The following KCNC2 variants were observed in gnomAD, a reference collection of about 807,000 sequenced individuals.
The protein encoded by KCNC2 is potassium voltage-gated channel subfamily C member 2.
A neutral mutation model predicts 44.5 loss-of-function variants in KCNC2; 21 were observed. The observed-to-expected ratio is 0.47, with a 90% CI of 0.33 to 0.68. The LOEUF (loss-of-function observed/expected upper bound fraction) is 0.68, where lower values mean the gene tolerates loss of function less well. Ranked by LOEUF, KCNC2 falls within the 30% of genes least tolerant of loss-of-function variation. The pLI, the probability that KCNC2 is intolerant of heterozygous loss-of-function variation, is 0.01. For synonymous variants in KCNC2, 391 were observed against 339.1 expected (o/e 1.15, Z -1.68); for missense variants, 589 against 826.2 (o/e 0.71, Z 3.52).
chr12:75,198,139 G>A (rs1208536259), intron 2 of KCNC2, among the ~76,000 whole-genome samples: 2 of 151,874 alleles, frequency 1.3e-5, no homozygotes, highest in African/African-American at 4.8e-5. Flanking sequence ...ATTAAAATAT[G>A]TTTGATCTTA....
rs1160465099 is a variant in KCNC2, at chr12:75,041,934, C to G, written c.*1171G>C. 2 of 1,001,528 alleles carry G rather than the reference C, an allele frequency of 2.0e-6. No individual in the cohort carries two copies. The highest frequency in any genetic ancestry group is 1.7e-5 in the African/African-American group (1 of 57,816). The allele number at this position is 1,001,528 out of a possible 1,614,324, so 62.0% of individuals were successfully genotyped here. A position where few individuals can be genotyped will look rare whatever the true frequency, so the allele number is the denominator to read the frequency against. On this transcript the variant is annotated 3_prime_UTR_variant, in exon 5 of 5. Coordinates refer to ENST00000549446, the MANE Select transcript of KCNC2 (RefSeq NM_139137.4). The stretch of plus-strand genomic sequence containing the variant: ...GAGGCATTTCTGTGCTTCATGGAGA[C>G]AGATGGCATATACAGGAAAGACAGG...
chr12:75,178,902 G>A (rs1892371122), intron 2 of KCNC2, among the ~76,000 whole-genome samples: 1 of 151,792 alleles, frequency 6.6e-6, no homozygotes, highest in South Asian at 2.1e-4. Context: ...AAAAGTTTTG[G>A]GACCCATGAG....
chr12:75,047,053 A>G (rs1285806246), intron 4 of KCNC2, among the ~76,000 whole-genome samples: 2 of 152,036 alleles, frequency 1.3e-5, no homozygotes, highest in Non-Finnish European at 2.9e-5. Flanking sequence ...TATTATTTAA[A>G]TGCAGTTGTG....
At chr12:75,156,174 C>T (rs967964864) in intron 2 of KCNC2, among the ~76,000 whole-genome samples, 4 of 151,696 alleles carry the variant, frequency 2.6e-5, no homozygotes, top group African/African-American at 9.7e-5. Context: ...AGATATAGCA[C>T]CAAGGTCAAA....
At chr12:75,199,558 T>A (rs930990847) in intron 2 of KCNC2, among the ~76,000 whole-genome samples, 1 of 151,914 alleles carries the variant, frequency 6.6e-6, no homozygotes. Flanking sequence ...CATCACATCA[T>A]CTTTGGCTTA....
chr12:75,060,296 C>A (rs926796238), intron 2 of KCNC2, among the ~76,000 whole-genome samples: 1 of 152,024 alleles, frequency 6.6e-6, no homozygotes, highest in Non-Finnish European at 1.5e-5. Context: ...TCTCCCTTCT[C>A]TTCATTCCCA....
At chr12:75,138,979 T>TAAAAAAAAAAAAAAAAAAAAAAAAA (rs373729570) in intron 2 of KCNC2, among the ~76,000 whole-genome samples, 26 of 77,930 alleles carry the variant, frequency 3.3e-4, no homozygotes, top group Admixed American at 9.0e-4. Context: ...AGACTCCGTG[T>TAAAAAAAAAAAAAAAAAAAAAAAAA]AAAAAAAAAA....
Position 75,048,304 on chromosome 12 carries a change from G to C in KCNC2, c.1629C>G (p.Asp543Glu). 6.2e-7 allele frequency: 1 copy of C among 1,611,166 alleles called. No homozygotes were observed. Among genetic ancestry groups the C allele is most frequent in the Non-Finnish European group, 8.5e-7 (1 of 1,178,584 alleles). The change falls in exon 4 of 5, where the codon GAC (aspartate) becomes GAG (glutamate). Residue 543 changes from aspartate to glutamate, a missense_variant. Asp to Glu is a conservative substitution (Grantham distance 45). Transcript: ENST00000549446. The part of the protein sequence containing the change: ...LEHNRSVLSG[D>E]DSTGSEPPLS... ...GTGGCGGCTCACTTCCTGTACTGTCGTCACCTGATAACACTGGTCACAGCA... is the reference window on the plus strand; with the variant it reads ...GTGGCGGCTCACTTCCTGTACTGTCCTCACCTGATAACACTGGTCACAGCA...
intron 4 of KCNC2, among the ~76,000 whole-genome samples, chr12:75,045,152 G>A (rs1008404564): frequency 6.6e-6 from 1 of 151,930 alleles, no homozygotes; most frequent in Non-Finnish European, 1.5e-5. Flanking sequence ...AGGCGAAGTG[G>A]TGAATATGCA....
chr12:75,072,893 TG>T (rs34573951), intron 2 of KCNC2, among the ~76,000 whole-genome samples: 1 of 152,216 alleles, frequency 6.6e-6, no homozygotes, highest in African/African-American at 2.4e-5. Flanking sequence ...CCAACTATTA[TG>T]GGATTTAGGC....
chr12:75,143,152 C>G (rs1313359715), intron 2 of KCNC2, among the ~76,000 whole-genome samples: 1 of 152,082 alleles, frequency 6.6e-6, no homozygotes, highest in Non-Finnish European at 1.5e-5. Flanking sequence ...AGATCTAATT[C>G]CAGGAGATTT....
At chr12:75,195,876 C>T (rs2030719682) in intron 2 of KCNC2, among the ~76,000 whole-genome samples, 1 of 152,116 alleles carries the variant, frequency 6.6e-6, no homozygotes, top group Non-Finnish European at 1.5e-5. Flanking sequence ...CATTCCCAGC[C>T]AACCTCAGGG....
intron 2 of KCNC2, among the ~76,000 whole-genome samples, chr12:75,193,366 G>A (rs2030475984): frequency 6.6e-6 from 1 of 152,150 alleles, no homozygotes; most frequent in Non-Finnish European, 1.5e-5. Flanking sequence ...AAGAAAAGGG[G>A]TTGGTCCTTT....
intron 2 of KCNC2, among the ~76,000 whole-genome samples, chr12:75,102,220 T>G (rs1886423342): frequency 6.6e-6 from 1 of 152,060 alleles, no homozygotes; most frequent in Non-Finnish European, 1.5e-5. Context: ...AACAGACATA[T>G]TTCTATGTAT....
chr12:75,148,313 A>G (rs1161699990), intron 2 of KCNC2, among the ~76,000 whole-genome samples: 2 of 152,090 alleles, frequency 1.3e-5, no homozygotes, highest in Non-Finnish European at 2.9e-5. Flanking sequence ...ACTGACAACC[A>G]TAAGCTCTTC....
At chr12:75,089,598 G>T (rs1249912178) in intron 2 of KCNC2, among the ~76,000 whole-genome samples, 3 of 151,718 alleles carry the variant, frequency 2.0e-5, no homozygotes, top group African/African-American at 7.3e-5. Context: ...AAAAGAACAT[G>T]CAACTTTTAA....
intron 2 of KCNC2, among the ~76,000 whole-genome samples, chr12:75,191,540 T>A (rs868437070): frequency 4.4e-3 from 193 of 44,362 alleles, no homozygotes; most frequent in Admixed American, 0.01. Context: ...TTTTTTTTTT[T>A]TTTTTTTTTT....
chr12:75,089,091 A>T (rs1885264287), intron 2 of KCNC2, among the ~76,000 whole-genome samples: 1 of 151,922 alleles, frequency 6.6e-6, no homozygotes. Flanking sequence ...AGCATCACAA[A>T]TTAAGAATAA....
At chr12:75,070,595 C>G (rs1438282869) in intron 2 of KCNC2, among the ~76,000 whole-genome samples, 1 of 151,980 alleles carries the variant, frequency 6.6e-6, no homozygotes, top group Non-Finnish European at 1.5e-5. Context: ...ATTTCATCTC[C>G]ATTCTTAGGT....
Sources: allele counts gnomAD v4.1 joint callset (sites outside exome capture counted in the v4.1 genomes callset), GRCh38; gene constraint gnomAD v4.1.1; transcripts MANE v1.5; gene names NCBI Gene and HGNC (gene_info 2026-07-23, HGNC 2026-07-21).